RELN: variants seen among roughly 807,000 people sequenced by gnomAD.
RELN encodes reelin.
A neutral mutation model predicts 427.6 loss-of-function variants in RELN; 108 were observed. That is an observed-to-expected ratio of 0.25 (90% CI 0.22 to 0.30). The LOEUF is 0.30. Ranked by LOEUF, RELN falls within the 10% of genes least tolerant of loss-of-function variation. The pLI, the probability that RELN is intolerant of heterozygous loss-of-function variation, is 1.00. For missense variants in RELN, 3,715 were observed against 4,302.8 expected (o/e 0.86, Z 3.82); for synonymous variants, 1,524 against 1,513.4 (o/e 1.01, Z -0.16).
chr7:103,594,204 C>T (rs1172957269), intron 26 of RELN, 117 bp downstream of exon 26: 3 of 1,066,720 alleles, frequency 2.8e-6, no homozygotes, highest in South Asian at 1.3e-5. Context: ...AAGTACAAGC[C>T]CTTAAACTTA....
chr7:103,652,676 T>C lies in RELN; in HGVS notation c.1638A>G (p.Gln546=), dbSNP rs1832946111. The stretch of plus-strand genomic sequence containing the variant: ...CAGCCCAGACATTCCTATTATGTCC[T>C]TGATGGTTCTTTTGCCTGAGACAAA... ...TKFCLRQKNH[Q]GHNRNVWAVD... Residue 546 remains glutamine (Q), a synonymous_variant, in exon 14 of 65, where the codon CAA becomes CAG. Transcript: ENST00000428762. The C allele has an allele frequency of 6.8e-6, 11 of 1,613,020 alleles. No individual in the cohort carries two copies. The highest frequency in any genetic ancestry group is 8.5e-6 in the Non-Finnish European group (10 of 1,179,314).
chr7:103,551,013 A>G, intron 41 of RELN, 54 bp downstream of exon 41: 2 of 1,439,914 alleles, frequency 1.4e-6, no homozygotes, highest in Non-Finnish European at 1.9e-6. Flanking sequence ...CGATGACTTC[A>G]GGAATAAACT....
intron 6 of RELN, among the ~76,000 whole-genome samples, chr7:103,744,694 A>C (rs1376146627): frequency 2.0e-5 from 3 of 152,242 alleles, no homozygotes; most frequent in African/African-American, 7.2e-5. Flanking sequence ...CAACACATAC[A>C]TCCTCCCAAG....
At chr7:103,716,598 A>T (rs1789944252) in intron 8 of RELN, among the ~76,000 whole-genome samples, 1 of 152,224 alleles carries the variant, frequency 6.6e-6, no homozygotes. Flanking sequence ...GATAGTATTC[A>T]GCACCAATGT....
At chr7:103,872,896 C>A (rs1166493409) in intron 2 of RELN, among the ~76,000 whole-genome samples, 3 of 151,262 alleles carry the variant, frequency 2.0e-5, no homozygotes, top group Non-Finnish European at 4.4e-5. Flanking sequence ...CCTTCGCCCA[C>A]TTTTTGATGG....
In RELN at chr7:103,540,237, G is replaced by C. The variant is rs770361860; in HGVS notation, c.6890C>G (p.Ser2297Cys). The C allele has an allele frequency of 3.1e-6, 5 of 1,614,206 alleles. No individual in the cohort carries two copies. In the Admixed American group the frequency reaches 8.3e-5, roughly 27 times the overall value. The change falls in exon 44 of 65, where the codon TCT becomes TGT. Residue 2297 changes from serine to cysteine, a missense_variant. Transcript: ENST00000428762. The stretch of plus-strand genomic sequence containing the variant: ...GGGGCTGTAGAAGTGCCCATTCTCA[G>C]ACGGTTGCCACCAGCGAAGGCGAGT... ...GSTRLRWWQPSENGHFYSPWV... is the reference protein window; with the variant it reads ...GSTRLRWWQPCENGHFYSPWV...
chr7:103,953,822 C>T lies in RELN; in HGVS notation c.226+35309G>A, dbSNP rs180975286. Among the ~76,000 whole-genome samples, 22 of 152,098 alleles carry T rather than the reference C, an allele frequency of 1.4e-4. No individual in the cohort carries two copies. The highest frequency in any genetic ancestry group is 4.1e-4 in the African/African-American group (17 of 41,478). ...TGGCACACGCCTATAATCCCAACTA[C>T]TCGGGAGACTGAGGCAGGAGAATCC... On this transcript the variant is annotated intron_variant, in intron 1 of 64. Coordinates refer to ENST00000428762, the MANE Select transcript of RELN (RefSeq NM_005045.4). The surrounding 1 kb of genome is among the most constrained non-coding windows in gnomAD (Gnocchi z 4.3).
intron 4 of RELN, among the ~76,000 whole-genome samples, chr7:103,761,533 A>C (rs1189079382): frequency 6.6e-6 from 1 of 152,066 alleles, no homozygotes; most frequent in Admixed American, 6.5e-5. Context: ...GCTCACTGCA[A>C]TCTCAACCTC....
chr7:103,921,068 G>A (rs981102746), intron 1 of RELN, among the ~76,000 whole-genome samples: 1 of 152,168 alleles, frequency 6.6e-6, no homozygotes. Flanking sequence ...AGAAAACTAA[G>A]CAACTTCTAT....
At chr7:103,950,998 C>T (rs967169014) in intron 1 of RELN, among the ~76,000 whole-genome samples, 5 of 152,138 alleles carry the variant, frequency 3.3e-5, no homozygotes, top group African/African-American at 7.2e-5. Context: ...GCATGATTAT[C>T]GGCTCACTGC....
chr7:103,508,271 T>C (rs1163659345), intron 51 of RELN, among the ~76,000 whole-genome samples: 1 of 152,194 alleles, frequency 6.6e-6, no homozygotes, highest in Non-Finnish European at 1.5e-5. Context: ...TGAATATTGA[T>C]GTGAAAATCC....
intron 2 of RELN, among the ~76,000 whole-genome samples, chr7:103,836,077 C>T (rs1162266353): frequency 6.6e-6 from 1 of 151,956 alleles, no homozygotes; most frequent in Non-Finnish European, 1.5e-5. Context: ...TTTCTCCTGC[C>T]TCAGCCTCCC....
intron 1 of RELN, among the ~76,000 whole-genome samples, chr7:103,962,484 G>T: frequency 6.6e-6 from 1 of 152,032 alleles, no homozygotes; most frequent in Non-Finnish European, 1.5e-5. Context: ...GACAGAAATA[G>T]GTGCCACACA....
intron 1 of RELN, among the ~76,000 whole-genome samples, chr7:103,938,817 AGAT>A (rs1385769321): frequency 6.6e-6 from 1 of 152,192 alleles, no homozygotes; most frequent in African/African-American, 2.4e-5. Flanking sequence ...TTTCGGGAGT[AGAT>A]GATTTTTCTC....
At chr7:103,610,280 A>C (rs938532936) in intron 22 of RELN, among the ~76,000 whole-genome samples, 10 of 152,200 alleles carry the variant, frequency 6.6e-5, no homozygotes, top group Non-Finnish European at 1.5e-4. Context: ...GAAAGGGTGT[A>C]TATTAAGCTT....
Position 103,535,849 on chromosome 7 carries a change from T to C in RELN, c.7181-365A>G, listed in dbSNP as rs145041713. On this transcript the variant is annotated intron_variant, in intron 45 of 64. Transcript: ENST00000428762. ...AACTGCATATAATTGGTAAGATATA[T>C]TTGTAATTTAATATTATAGTGATAG... 3.7e-3 allele frequency among the ~76,000 whole-genome samples: 568 copies of C among 152,206 alleles called. 4 individuals carry two copies. The highest frequency in any genetic ancestry group is 0.013 in the African/African-American group (549 of 41,568).
At chr7:103,538,874 A>T (rs1279043886) in intron 45 of RELN, among the ~76,000 whole-genome samples, 1 of 152,216 alleles carries the variant, frequency 6.6e-6, no homozygotes, top group Non-Finnish European at 1.5e-5. Flanking sequence ...ATAAGCTCAC[A>T]TTCTATTGCT....
intron 2 of RELN, among the ~76,000 whole-genome samples, chr7:103,911,752 G>C (rs1795371433): frequency 7.5e-6 from 1 of 133,230 alleles, no homozygotes; most frequent in African/African-American, 2.9e-5. Context: ...ACTATCGCAA[G>C]AACAAAAAAC....
intron 31 of RELN, among the ~76,000 whole-genome samples, chr7:103,568,782 GATTAC>G (rs1830817809): frequency 7.2e-5 from 11 of 152,296 alleles, no homozygotes; most frequent in Admixed American, 7.2e-4. Context: ...CTGAGATTGA[GATTAC>G]TTAGTTATTT....
Sources: allele counts gnomAD v4.1 joint callset (sites outside exome capture counted in the v4.1 genomes callset), GRCh38; gene constraint gnomAD v4.1.1; non-coding constraint Gnocchi (gnomAD v3.1); transcripts MANE v1.5; gene names NCBI Gene and HGNC (gene_info 2026-07-23, HGNC 2026-07-21).